The following TBCE variants were observed in gnomAD, a reference collection of about 807,000 sequenced individuals.
The protein encoded by TBCE is tubulin folding cofactor E.
In TBCE, 53 loss-of-function variants were observed where a neutral mutation model predicts 77.0. The observed-to-expected ratio is 0.69, with a 90% CI of 0.55 to 0.87. The LOEUF (loss-of-function observed/expected upper bound fraction) is 0.87. Ranked by LOEUF, TBCE falls within the 40% of genes least tolerant of loss-of-function variation. The probability of loss-of-function intolerance (pLI) is 0.00; values close to 1 mark genes in which losing one functional copy is unlikely to be tolerated. For synonymous variants in TBCE, 235 were observed against 241.3 expected, an observed-to-expected ratio of 0.97 and a Z score of 0.24; for missense variants, 624 against 622.4, an observed-to-expected ratio of 1.00 and a Z score of -0.03.
At chr1:235,431,247 C>T (rs1681066864) in intron 7 of TBCE, among the ~76,000 whole-genome samples, 2 of 152,096 alleles carry the variant, frequency 1.3e-5, no homozygotes, top group South Asian at 2.1e-4. Flanking sequence ...TTTATACAGC[C>T]GGGCTCAAAA....
intron 1 of TBCE, among the ~76,000 whole-genome samples, chr1:235,368,216 A>G (rs974211305): frequency 6.6e-6 from 1 of 151,912 alleles, no homozygotes; most frequent in Non-Finnish European, 1.5e-5. Flanking sequence ...TAAAGTAACT[A>G]TTTTTACTTG....
intron 3 of TBCE, among the ~76,000 whole-genome samples, chr1:235,405,619 G>A (rs1049254925): frequency 2.0e-5 from 3 of 151,658 alleles, no homozygotes; most frequent in Admixed American, 2.0e-4. Flanking sequence ...TTGGTCAGCA[G>A]AGTGAAACTG....
intron 8 of TBCE, 48 bp downstream of exon 8, chr1:235,434,328 C>A: frequency 1.4e-6 from 2 of 1,481,040 alleles, no homozygotes; most frequent in Non-Finnish European, 9.4e-7. Context: ...AATCATCATT[C>A]TGAGTAAATA....
intron 1 of TBCE, among the ~76,000 whole-genome samples, chr1:235,369,208 T>C (rs6674229): frequency 0.73 from 110,559 of 151,580 alleles, 41,616 homozygotes; most frequent in African/African-American, 0.92. Flanking sequence ...ACATTTCACC[T>C]GGAGTGAAAG....
Position 235,449,707 on chromosome 1 carries a change from G to A in TBCE, c.*945G>A, listed in dbSNP as rs1335113289. ...TTATTTCCAGAAACCCCAAACTTTG[G>A]TATAAGTGACCACTGCTCAAATATG... On this transcript the variant is annotated 3_prime_UTR_variant, in exon 17 of 17. Coordinates refer to ENST00000642610, the MANE Select transcript of TBCE (RefSeq NM_003193.5). 1.3e-5 allele frequency: 2 copies of A among 152,586 alleles called. No homozygotes were observed. Among genetic ancestry groups the A allele is most frequent in the Admixed American group, 6.5e-5 (1 of 15,332 alleles). The allele number at this position is 152,586 out of a possible 1,614,324, so 9.5% of individuals were successfully genotyped here.
At position 235,441,879 on chromosome 1, in the gene TBCE, CTAAG is replaced by C. The variant is rs1681900468; in HGVS notation, c.1339+2_1339+5del. ...ACCACTTATGCTGAAAAACCAGCTA[CTAAG>C]TAAGAATCTCAGATTCAAATAGTTT... On this transcript the variant is annotated splice_donor_variant and coding_sequence_variant, in exon 14 of 17. Transcript: ENST00000642610. LOFTEE classifies it high-confidence loss of function. 6.2e-7 allele frequency: 1 copy of C among 1,613,620 alleles called. No individual in the cohort carries two copies. The highest frequency in any genetic ancestry group is 1.3e-5 in the African/African-American group (1 of 74,912).
chr1:235,403,726 T>G lies in TBCE; in HGVS notation c.185+2139T>G, dbSNP rs139728290. Among the ~76,000 whole-genome samples the G allele has an allele frequency of 8.3e-4, 126 of 152,268 alleles. No homozygotes were observed. The East Asian group carries it at 0.024, about 29-fold the overall frequency. ...ATGGGAAGCCTTGGTTCAGGGACATTGAGTCAGTATAGTCATGCATTGCTT... is the reference window on the plus strand; with the variant it reads ...ATGGGAAGCCTTGGTTCAGGGACATGGAGTCAGTATAGTCATGCATTGCTT... On this transcript the variant is annotated intron_variant, in intron 3 of 16. Coordinates refer to ENST00000642610, the MANE Select transcript of TBCE (RefSeq NM_003193.5).
chr1:235,373,711 C>G (rs1432912287), intron 1 of TBCE, among the ~76,000 whole-genome samples: 6 of 151,508 alleles, frequency 4.0e-5, no homozygotes, highest in Non-Finnish European at 8.8e-5. Context: ...TGCGGTGGCG[C>G]GATCTCGGCT....
At chr1:235,410,247 CA>C (rs1179738784) in intron 3 of TBCE, among the ~76,000 whole-genome samples, 3 of 151,510 alleles carry the variant, frequency 2.0e-5, no homozygotes, top group African/African-American at 7.3e-5. Context: ...ACTCTATCTC[CA>C]AAAAAAATTA....
intron 3 of TBCE, among the ~76,000 whole-genome samples, chr1:235,403,344 T>C (rs552386647): frequency 1.8e-4 from 27 of 152,238 alleles, no homozygotes; most frequent in South Asian, 1.2e-3. Context: ...GTAGCTGGGA[T>C]CACAGGCGAA....
At chr1:235,409,468 G>A (rs1232083064) in intron 3 of TBCE, among the ~76,000 whole-genome samples, 1 of 151,932 alleles carries the variant, frequency 6.6e-6, no homozygotes, top group Non-Finnish European at 1.5e-5. Context: ...TTATTGATGG[G>A]CACCCATTCA....
intron 7 of TBCE, among the ~76,000 whole-genome samples, chr1:235,431,562 T>C (rs906325834): frequency 3.3e-5 from 5 of 152,064 alleles, no homozygotes; most frequent in African/African-American, 1.2e-4. Context: ...GGTTTCTCCA[T>C]GTTGGTCAGG....
Position 235,450,159 on chromosome 1 carries a change from T to G in TBCE, c.*1397T>G. 1 of 1,608,768 alleles carries G rather than the reference T, an allele frequency of 6.2e-7. No homozygotes were observed. Among genetic ancestry groups the G allele is most frequent in the Non-Finnish European group, 8.5e-7 (1 of 1,175,618 alleles). On this transcript the variant is annotated 3_prime_UTR_variant, in exon 17 of 17. Coordinates refer to ENST00000642610, the MANE Select transcript of TBCE (RefSeq NM_003193.5). ...GGACTCCTCAGACTTGCACTCAGAT[T>G]ATCGTTTGCCTGCCCTGATTTTAGA...
chr1:235,440,798 G>A (rs766081179), intron 13 of TBCE: 2 of 151,894 alleles, frequency 1.3e-5, no homozygotes, highest in Non-Finnish European at 2.9e-5. Context: ...TCGCTACCAA[G>A]GCTGGCACTT....
chr1:235,445,842 C>CT (rs1682227009), intron 15 of TBCE, among the ~76,000 whole-genome samples: 1 of 152,126 alleles, frequency 6.6e-6, no homozygotes, highest in African/African-American at 2.4e-5. Context: ...TAGTAAGAAT[C>CT]TAAGTACTTG....
intron 15 of TBCE, among the ~76,000 whole-genome samples, chr1:235,443,979 G>C (rs1682072279): frequency 6.6e-6 from 1 of 152,160 alleles, no homozygotes; most frequent in Non-Finnish European, 1.5e-5. Context: ...TTGATTCATA[G>C]CTAAATGCTA....
Position 235,438,846 on chromosome 1 carries a change from A to G in TBCE, c.1194A>G (p.Gly398=), listed in dbSNP as rs1222565967. Residue 398 remains glycine (G), a synonymous_variant, in exon 13 of 17, where the codon GGA becomes GGG. Transcript: ENST00000642610. ...GAAATGAGTGGAAACAGGCTGGTGG[A>G]CATAAGGATCCGGAAAAAAACAGAC... ...AFGNEWKQAG[G]HKDPEKNRLS... is the part of the protein sequence containing the mutation. The G allele has an allele frequency of 3.1e-6, 5 of 1,614,144 alleles. No homozygotes were observed. The highest frequency in any genetic ancestry group is 4.2e-6 in the Non-Finnish European group (5 of 1,180,030).
intron 1 of TBCE, among the ~76,000 whole-genome samples, chr1:235,379,316 T>A (rs1677475729): frequency 6.6e-6 from 1 of 151,916 alleles, no homozygotes; most frequent in African/African-American, 2.4e-5. Flanking sequence ...TCACCTGAGA[T>A]CAGAAGTTTG....
intron 15 of TBCE, among the ~76,000 whole-genome samples, chr1:235,447,996 G>A (rs1271560878): frequency 6.6e-6 from 1 of 152,026 alleles, no homozygotes; most frequent in Non-Finnish European, 1.5e-5. Context: ...GGATCACGAG[G>A]TCAGGAGTTC....
Sources: gnomAD v4.1 joint callset for allele counts (sites outside exome capture counted in the v4.1 genomes callset) on GRCh38, gnomAD v4.1.1 for gene constraint, MANE v1.5 for transcripts, NCBI Gene and HGNC (gene_info 2026-07-23, HGNC 2026-07-21) for gene names.